The following DPYD variants were observed in gnomAD, a reference collection of about 807,000 sequenced individuals.
The protein encoded by DPYD is dihydropyrimidine dehydrogenase, also known as dihydropyrimidine dehydrogenase [NADP(+)].
DPYD carries 109 observed loss-of-function variants against 116.2 expected under a neutral mutation model. The ratio of observed to expected loss-of-function variants is 0.94; its 90% CI spans 0.80 to 1.10. The LOEUF is 1.10. Among genes scored for constraint, DPYD ranks in the 50% least tolerant of loss-of-function variants. The probability of loss-of-function intolerance (pLI) is 0.00; values close to 1 mark genes in which losing one functional copy is unlikely to be tolerated. For missense variants in DPYD, 1,302 were observed against 1,254.5 expected (o/e 1.04, Z -0.57); for synonymous variants, 440 against 432.0 (o/e 1.02, Z -0.23).
chr1:97,823,326 T>C (rs1251970458), intron 3 of DPYD, among the ~76,000 whole-genome samples: 1 of 152,132 alleles, frequency 6.6e-6, no homozygotes, highest in African/African-American at 2.4e-5. Flanking sequence ...GGCTAATTTT[T>C]TGCATATTTA....
At chr1:97,446,706 T>A (rs1407638377) in intron 14 of DPYD, among the ~76,000 whole-genome samples, 1 of 152,154 alleles carries the variant, frequency 6.6e-6, no homozygotes, top group East Asian at 1.9e-4. Context: ...CCTAATTCAG[T>A]GCATTCAAAG....
chr1:97,172,203 T>C (rs1656771149), intron 20 of DPYD, among the ~76,000 whole-genome samples: 1 of 152,198 alleles, frequency 6.6e-6, no homozygotes, highest in South Asian at 2.1e-4. Flanking sequence ...CTCTAGCCAG[T>C]GGGGAGAAGG....
intron 8 of DPYD, among the ~76,000 whole-genome samples, chr1:97,613,521 TCTGGGGCATA>T (rs1404753972): frequency 2.6e-5 from 4 of 152,020 alleles, no homozygotes; most frequent in Non-Finnish European, 5.9e-5. Flanking sequence ...CATCTAGAAA[TCTGGGGCATA>T]CTGAGTGTGC....
At chr1:97,919,812 T>C (rs958069087) in intron 1 of DPYD, among the ~76,000 whole-genome samples, 8 of 152,200 alleles carry the variant, frequency 5.3e-5, no homozygotes, top group Non-Finnish European at 1.0e-4. Context: ...GTTACTAAAA[T>C]GATTTTTCAA....
At chr1:97,789,617 TC>T (rs1266114175) in intron 3 of DPYD, among the ~76,000 whole-genome samples, 3 of 152,220 alleles carry the variant, frequency 2.0e-5, no homozygotes, top group Non-Finnish European at 4.4e-5. Context: ...CCTTGTTTTT[TC>T]TGTGCTTTTT....
At chr1:97,159,956 T>C (rs1557901202) in intron 20 of DPYD, among the ~76,000 whole-genome samples, 2 of 152,020 alleles carry the variant, frequency 1.3e-5, no homozygotes, top group African/African-American at 4.8e-5. Flanking sequence ...CTTCCCTCTC[T>C]CCTGTCCTTC....
chr1:97,422,729 TATATGAC>T (rs1674656212), intron 14 of DPYD, among the ~76,000 whole-genome samples: 1 of 152,044 alleles, frequency 6.6e-6, no homozygotes, highest in African/African-American at 2.4e-5. Flanking sequence ...CAAGAAAACA[TATATGAC>T]ACTTGCATAC....
chr1:97,686,061 T>C (rs972363886), intron 7 of DPYD, among the ~76,000 whole-genome samples: 5 of 152,070 alleles, frequency 3.3e-5, no homozygotes, highest in South Asian at 2.1e-4. Context: ...GGAGGCATCA[T>C]GCTACCCGAC....
At chr1:97,832,958 C>T (rs1243730179) in intron 2 of DPYD, among the ~76,000 whole-genome samples, 2 of 147,276 alleles carry the variant, frequency 1.4e-5, no homozygotes, top group South Asian at 2.1e-4. Context: ...TTCAACCAAA[C>T]ACCTACTGAT....
intron 13 of DPYD, 132 bp downstream of exon 13, chr1:97,515,594 T>C: frequency 1.3e-6 from 1 of 780,626 alleles, no homozygotes. Flanking sequence ...TAAAGATTAA[T>C]GTGTAATGAT....
chr1:97,419,296 G>T (rs1377835251), intron 14 of DPYD, among the ~76,000 whole-genome samples: 5 of 152,022 alleles, frequency 3.3e-5, no homozygotes, highest in Non-Finnish European at 7.4e-5. Flanking sequence ...CTTGCTACTT[G>T]AATAATCACC....
chr1:97,130,783 TTCCC>T (rs1653242971), intron 20 of DPYD, among the ~76,000 whole-genome samples: 1 of 36,928 alleles, frequency 2.7e-5, no homozygotes, highest in African/African-American at 1.6e-4. Context: ...CTTCCTTTCC[TTCCC>T]TCCTTCCCTC....
intron 21 of DPYD, among the ~76,000 whole-genome samples, chr1:97,089,291 G>A (rs1450391665): frequency 6.6e-6 from 1 of 152,170 alleles, no homozygotes; most frequent in Non-Finnish European, 1.5e-5. Context: ...GCATTCGGGG[G>A]ACTTTATAAG....
chr1:97,659,619 C>T (rs1294595818), intron 8 of DPYD, among the ~76,000 whole-genome samples: 1 of 152,082 alleles, frequency 6.6e-6, no homozygotes, highest in African/African-American at 2.4e-5. Flanking sequence ...AAGTTGAAAG[C>T]TTAGCTTAAA....
intron 8 of DPYD, among the ~76,000 whole-genome samples, chr1:97,644,340 T>G (rs1455529258): frequency 6.6e-6 from 1 of 152,192 alleles, no homozygotes; most frequent in Non-Finnish European, 1.5e-5. Context: ...CATCGCTTTC[T>G]GACCCTTGGT....
intron 1 of DPYD, among the ~76,000 whole-genome samples, chr1:97,888,686 C>A (rs905474854): frequency 1.3e-5 from 2 of 151,650 alleles, no homozygotes; most frequent in Non-Finnish European, 2.9e-5. Context: ...GTGAATTTCT[C>A]ATTAACAACC....
chr1:97,865,574 C>T (rs923929137), intron 2 of DPYD, among the ~76,000 whole-genome samples: 7 of 151,906 alleles, frequency 4.6e-5, no homozygotes, highest in African/African-American at 9.7e-5. Context: ...TTCCATTCTT[C>T]TCACAATATA....
intron 2 of DPYD, among the ~76,000 whole-genome samples, chr1:97,838,844 T>G (rs1185727765): frequency 6.7e-6 from 1 of 149,008 alleles, no homozygotes; most frequent in Non-Finnish European, 1.5e-5. Flanking sequence ...AGAGCGAGAC[T>G]CCGTCTCAAA....
At chr1:97,407,541 G>A (rs1273258832) in intron 14 of DPYD, among the ~76,000 whole-genome samples, 1 of 152,096 alleles carries the variant, frequency 6.6e-6, no homozygotes, top group Non-Finnish European at 1.5e-5. Context: ...AAACTCATCA[G>A]CCTGAAGCAG....
Sources: allele counts gnomAD v4.1 joint callset (sites outside exome capture counted in the v4.1 genomes callset), GRCh38; gene constraint gnomAD v4.1.1; transcripts MANE v1.5; gene names NCBI Gene and HGNC (gene_info 2026-07-23, HGNC 2026-07-21).